CYYR1: variants seen among roughly 807,000 people sequenced by gnomAD.
CYYR1 encodes cysteine and tyrosine rich 1.
In CYYR1, 14 loss-of-function variants were observed where a neutral mutation model predicts 15.2. The observed-to-expected ratio is 0.92, with a 90% confidence interval of 0.61 to 1.44. CYYR1 has a LOEUF of 1.44. CYYR1 is among the 40% of genes most tolerant of loss of function. The pLI, the probability that CYYR1 is intolerant of heterozygous loss-of-function variation, is 0.00. For missense variants in CYYR1, 228 were observed against 209.5 expected (o/e 1.09, Z -0.54); for synonymous variants, 80 against 77.4 (o/e 1.03, Z -0.18).
intron 2 of CYYR1, chr21:26,552,174 A>G (rs1461383305): frequency 2.0e-5 from 3 of 152,206 alleles, no homozygotes. Context: ...CCCTTAATAG[A>G]CTACAGTATA....
intron 2 of CYYR1, among the ~76,000 whole-genome samples, chr21:26,513,218 T>TA (rs1466855147): frequency 6.6e-6 from 1 of 152,208 alleles, no homozygotes; most frequent in Non-Finnish European, 1.5e-5. Flanking sequence ...CTAACACACT[T>TA]ACCATATTCT....
chr21:26,513,565 C>T (rs889545264), intron 2 of CYYR1, among the ~76,000 whole-genome samples: 1 of 152,034 alleles, frequency 6.6e-6, no homozygotes, highest in Non-Finnish European at 1.5e-5. Flanking sequence ...GGACCCAATC[C>T]AGAAGTAGGC....
At chr21:26,496,810 C>T (rs920528747) in intron 2 of CYYR1, among the ~76,000 whole-genome samples, 2 of 152,170 alleles carry the variant, frequency 1.3e-5, no homozygotes, top group South Asian at 4.1e-4. Context: ...TATGCAATAC[C>T]CTATTGCTGA....
chr21:26,563,860 C>T (rs1311537864), intron 2 of CYYR1, among the ~76,000 whole-genome samples: 1 of 152,134 alleles, frequency 6.6e-6, no homozygotes, highest in Non-Finnish European at 1.5e-5. Context: ...CTTTTTAGCT[C>T]ATTTTAAACT....
chr21:26,483,163 T>A (rs1021723438), intron 2 of CYYR1, among the ~76,000 whole-genome samples: 7 of 152,038 alleles, frequency 4.6e-5, no homozygotes, highest in African/African-American at 1.7e-4. Context: ...ACAGTTATCT[T>A]ATTTTTAATT....
At chr21:26,489,278 G>T (rs1230319685) in intron 2 of CYYR1, among the ~76,000 whole-genome samples, 1 of 152,120 alleles carries the variant, frequency 6.6e-6, no homozygotes, top group African/African-American at 2.4e-5. Flanking sequence ...AAGTGCTCTT[G>T]AATATGTTGT....
chr21:26,533,180 G>A (rs1053220133), intron 2 of CYYR1, among the ~76,000 whole-genome samples: 7 of 148,634 alleles, frequency 4.7e-5, no homozygotes, highest in African/African-American at 1.7e-4. Context: ...ATTTACTATA[G>A]TAAATACATA....
Position 26,573,177 on chromosome 21 carries a change from C to A in CYYR1, c.-237G>T. 1 of 1,477,726 alleles carries A rather than the reference C, an allele frequency of 6.8e-7. No individual in the cohort carries two copies. Among genetic ancestry groups the A allele is most frequent in the Non-Finnish European group, 9.0e-7 (1 of 1,113,808 alleles). The allele number at this position is 1,477,726 out of a possible 1,614,324, so 91.5% of individuals were successfully genotyped here. A position where few individuals can be genotyped will look rare whatever the true frequency, so the allele number is the denominator to read the frequency against. ...GGCCCGAGACGGGCTGCGCTGGGGG[C>A]CCAGGTCTCTTTGTCTCGCCCCACT... On this transcript the variant is annotated 5_prime_UTR_variant, in exon 1 of 4. Coordinates refer to ENST00000652641, the MANE Select transcript of CYYR1 (RefSeq NM_001320768.2).
chr21:26,547,592 G>A lies in CYYR1; in HGVS notation c.176+18674C>T, dbSNP rs572846841. 7.2e-5 allele frequency among the ~76,000 whole-genome samples: 11 copies of A among 152,204 alleles called. No homozygotes were observed. The East Asian group carries it at 7.8e-4, about 11-fold the overall frequency. The stretch of plus-strand genomic sequence containing the variant: ...CATCTGTACCCCAATGTGTGGTGGG[G>A]CAACCACTCTATGATTCTCTCCCAT... On this transcript the variant is annotated intron_variant, in intron 2 of 3. Transcript: ENST00000652641.
At chr21:26,483,368 G>T (rs1037441233) in intron 2 of CYYR1, 15 of 703,102 alleles carry the variant, frequency 2.1e-5, no homozygotes, top group Non-Finnish European at 2.6e-5. Flanking sequence ...ATTCATATTT[G>T]ATGTTTTCTT....
chr21:26,571,397 T>C (rs979808604), intron 1 of CYYR1, among the ~76,000 whole-genome samples: 1 of 152,266 alleles, frequency 6.6e-6, no homozygotes, highest in Non-Finnish European at 1.5e-5. Context: ...ACCACCCTTG[T>C]TGCTGGCCAG....
At chr21:26,553,552 C>A (rs940663023) in intron 2 of CYYR1, among the ~76,000 whole-genome samples, 1 of 152,088 alleles carries the variant, frequency 6.6e-6, no homozygotes, top group African/African-American at 2.4e-5. Flanking sequence ...TTTTGGGCTG[C>A]GTTTAGTCCA....
chr21:26,559,922 C>T (rs944662693), intron 2 of CYYR1, among the ~76,000 whole-genome samples: 40 of 152,118 alleles, frequency 2.6e-4, no homozygotes, highest in African/African-American at 7.5e-4. Flanking sequence ...TCTCTTCCCA[C>T]GATCTTTACT....
At chr21:26,493,933 G>A (rs749995508) in intron 2 of CYYR1, among the ~76,000 whole-genome samples, 1 of 152,176 alleles carries the variant, frequency 6.6e-6, no homozygotes, top group Non-Finnish European at 1.5e-5. Context: ...TGCTTTACTT[G>A]TATTATCAAT....
chr21:26,511,847 T>C (rs1261932105), intron 2 of CYYR1, among the ~76,000 whole-genome samples: 1 of 152,180 alleles, frequency 6.6e-6, no homozygotes, highest in Non-Finnish European at 1.5e-5. Flanking sequence ...AGAGAGCTGG[T>C]CATGGTGCCA....
chr21:26,499,966 A>G (rs116536433), intron 2 of CYYR1, among the ~76,000 whole-genome samples: 272 of 152,240 alleles, frequency 1.8e-3, no homozygotes, highest in African/African-American at 6.3e-3. Context: ...TGCTATGACA[A>G]ATACCACAGG....
intron 2 of CYYR1, among the ~76,000 whole-genome samples, chr21:26,517,039 C>G (rs888962605): frequency 7.7e-6 from 1 of 130,454 alleles, no homozygotes; most frequent in African/African-American, 2.9e-5. Flanking sequence ...GGCGTGAACC[C>G]GGGAGGCGGA....
chr21:26,543,048 T>C (rs914684739), intron 2 of CYYR1, among the ~76,000 whole-genome samples: 3 of 152,206 alleles, frequency 2.0e-5, no homozygotes, highest in Admixed American at 6.5e-5. Context: ...TTAAAGTCTT[T>C]AAAAATTCCT....
intron 2 of CYYR1, among the ~76,000 whole-genome samples, chr21:26,500,673 T>C (rs1194368085): frequency 2.0e-5 from 3 of 151,600 alleles, no homozygotes; most frequent in Non-Finnish European, 4.4e-5. Flanking sequence ...GCACTGGGGG[T>C]GGGGAGGACT....
Sources: allele counts gnomAD v4.1 joint callset (sites outside exome capture counted in the v4.1 genomes callset), GRCh38; gene constraint gnomAD v4.1.1; transcripts MANE v1.5; gene names NCBI Gene and HGNC (gene_info 2026-07-23, HGNC 2026-07-21).